MECOM: variants seen among roughly 807,000 people sequenced by gnomAD.
MECOM encodes the protein MDS1 and EVI1 complex locus, also known as histone-lysine N-methyltransferase MECOM.
MECOM carries 13 observed loss-of-function variants against 116.3 expected under a neutral mutation model. That is an observed-to-expected ratio of 0.11 (90% CI 0.07 to 0.18). MECOM has a LOEUF of 0.18. MECOM is among the 10% of genes least tolerant of loss of function. The pLI, the probability that MECOM is intolerant of heterozygous loss-of-function variation, is 1.00. For missense variants in MECOM, 1,299 were observed against 1,509.0 expected (o/e 0.86, Z 2.31); for synonymous variants, 528 against 535.2 (o/e 0.99, Z 0.19).
At chr3:169,546,789 C>G (rs1256697703) in intron 1 of MECOM, among the ~76,000 whole-genome samples, 1 of 152,170 alleles carries the variant, frequency 6.6e-6, no homozygotes, top group Admixed American at 6.5e-5. Context: ...TTGTTTTTAA[C>G]TCTACTTTTG....
intron 1 of MECOM, among the ~76,000 whole-genome samples, chr3:169,576,664 A>C (rs1166297726): frequency 1.3e-5 from 2 of 152,102 alleles, no homozygotes; most frequent in Non-Finnish European, 2.9e-5. Flanking sequence ...ACCAAGCACT[A>C]TGGTAGTCAT....
At chr3:169,413,490 AT>A (rs34732503) in intron 1 of MECOM, among the ~76,000 whole-genome samples, 103,539 of 133,746 alleles carry the variant, frequency 0.77, 39,976 homozygotes, top group Non-Finnish European at 0.82. Flanking sequence ...TTTTTTTTTT[AT>A]TTTTTTTTTT....
intron 1 of MECOM, among the ~76,000 whole-genome samples, chr3:169,567,430 C>T (rs1463267623): frequency 6.6e-6 from 1 of 152,170 alleles, no homozygotes; most frequent in Non-Finnish European, 1.5e-5. Flanking sequence ...GCATGAGGTA[C>T]CACAAATGCA....
intron 1 of MECOM, among the ~76,000 whole-genome samples, chr3:169,528,353 T>A (rs756978207): frequency 6.6e-6 from 1 of 152,194 alleles, no homozygotes; most frequent in Non-Finnish European, 1.5e-5. Context: ...AGCCTCTACT[T>A]GAAGAATGAG....
intron 1 of MECOM, among the ~76,000 whole-genome samples, chr3:169,383,237 A>T (rs1159294250): frequency 6.6e-6 from 1 of 152,192 alleles, no homozygotes; most frequent in Non-Finnish European, 1.5e-5. Context: ...TGGTTCAAAC[A>T]CTGAGATAAT....
At chr3:169,637,915 T>C (rs1773011532) in intron 1 of MECOM, among the ~76,000 whole-genome samples, 1 of 152,112 alleles carries the variant, frequency 6.6e-6, no homozygotes, top group Non-Finnish European at 1.5e-5. Flanking sequence ...GAGCAAGCAA[T>C]CCAGCATGAA....
At chr3:169,297,709 T>C (rs150763887) in intron 2 of MECOM, among the ~76,000 whole-genome samples, 1 of 152,314 alleles carries the variant, frequency 6.6e-6, no homozygotes, top group East Asian at 1.9e-4. Flanking sequence ...CTGATCAGCT[T>C]AGCTTAAGAG....
intron 2 of MECOM, among the ~76,000 whole-genome samples, chr3:169,241,749 G>C (rs1170514446): frequency 6.6e-6 from 1 of 152,096 alleles, no homozygotes; most frequent in Non-Finnish European, 1.5e-5. Flanking sequence ...TGTTGAACAG[G>C]AAATGTTTGA....
At chr3:169,464,115 C>T (rs1747891266) in intron 1 of MECOM, 1 of 152,160 alleles carries the variant, frequency 6.6e-6, no homozygotes, top group Non-Finnish European at 1.5e-5. Flanking sequence ...AGAGCCAGGA[C>T]ATCCAAGGTA....
chr3:169,542,242 C>A (rs766184723), intron 1 of MECOM, among the ~76,000 whole-genome samples: 6 of 151,988 alleles, frequency 3.9e-5, no homozygotes, highest in Admixed American at 2.0e-4. Context: ...AACTGGCTGA[C>A]CTTTCACAGC....
intron 2 of MECOM, among the ~76,000 whole-genome samples, chr3:169,191,752 AAG>A (rs1747685583): frequency 7.4e-6 from 1 of 134,824 alleles, no homozygotes; most frequent in Non-Finnish European, 1.6e-5. Flanking sequence ...GAAAGAAAGA[AAG>A]AAAGAAAGAA....
intron 8 of MECOM, among the ~76,000 whole-genome samples, chr3:169,114,934 C>G (rs1241069955): frequency 6.6e-6 from 1 of 152,024 alleles, no homozygotes; most frequent in African/African-American, 2.4e-5. Context: ...TATGACCAGC[C>G]CTTATTAAGG....
Position 169,163,549 on chromosome 3 carries a change from T to A in MECOM, c.376-19717A>T, listed in dbSNP as rs144358162. Among the ~76,000 whole-genome samples the A allele has an allele frequency of 3.4e-3, 518 of 152,290 alleles. 2 individuals carry two copies. Among genetic ancestry groups the A allele is most frequent in the African/African-American group, 0.012 (497 of 41,544 alleles). ...ATTTCATGTAACAACTCACTGACTA[T>A]AAGGTGATTATTATCCTTGTTTTAC... On this transcript the variant is annotated intron_variant, in intron 2 of 16. Transcript: ENST00000651503.
At chr3:169,486,035 A>G (rs1194495634) in intron 1 of MECOM, among the ~76,000 whole-genome samples, 3 of 137,580 alleles carry the variant, frequency 2.2e-5, no homozygotes, top group Non-Finnish European at 4.6e-5. Context: ...TAGTATATAT[A>G]TATATGTATA....
intron 3 of MECOM, 22 bp from the exon 4 acceptor site, chr3:169,131,553 G>T: frequency 6.3e-7 from 1 of 1,576,942 alleles, no homozygotes; most frequent in South Asian, 1.1e-5. Flanking sequence ...AAATAAAGGT[G>T]GATGGAATCA....
intron 2 of MECOM, among the ~76,000 whole-genome samples, chr3:169,380,551 C>T (rs1732224736): frequency 6.6e-6 from 1 of 152,006 alleles, no homozygotes; most frequent in African/African-American, 2.4e-5. Context: ...ATGACTGAAA[C>T]GAGTGACTAA....
At chr3:169,431,598 T>C (rs2108557092) in intron 1 of MECOM, among the ~76,000 whole-genome samples, 1 of 152,334 alleles carries the variant, frequency 6.6e-6, no homozygotes, top group Non-Finnish European at 1.5e-5. Flanking sequence ...ATGGATTCCC[T>C]GATTTACTCA....
At chr3:169,562,180 A>G (rs1363465293) in intron 1 of MECOM, among the ~76,000 whole-genome samples, 5 of 140,760 alleles carry the variant, frequency 3.6e-5, no homozygotes, top group African/African-American at 5.0e-5. Context: ...AAGAAAGAAA[A>G]AAAAAAGATA....
At chr3:169,289,650 C>T (rs1053053368) in intron 2 of MECOM, among the ~76,000 whole-genome samples, 8 of 152,058 alleles carry the variant, frequency 5.3e-5, no homozygotes, top group Admixed American at 5.3e-4. Context: ...TTGTATTAGG[C>T]CAATGGAGAG....
Sources: allele counts gnomAD v4.1 joint callset (sites outside exome capture counted in the v4.1 genomes callset), GRCh38; gene constraint gnomAD v4.1.1; transcripts MANE v1.5; gene names NCBI Gene and HGNC (gene_info 2026-07-23, HGNC 2026-07-21).